Variants in CLVS2 observed in about 807,000 individuals in gnomAD.
The protein encoded by CLVS2 is clavesin-2.
CLVS2 carries 19 observed loss-of-function variants against 29.0 expected under a neutral mutation model. The ratio of observed to expected loss-of-function variants is 0.66; its 90% CI spans 0.46 to 0.96. The LOEUF (loss-of-function observed/expected upper bound fraction) is 0.96. Among genes scored for constraint, CLVS2 ranks in the 40% least tolerant of loss-of-function variants. The pLI is 0.00. For synonymous variants in CLVS2, 161 were observed against 151.3 expected, an observed-to-expected ratio of 1.06 and a Z score of -0.47; for missense variants, 294 against 404.1, an observed-to-expected ratio of 0.73 and a Z score of 2.34.
intron 3 of CLVS2, among the ~76,000 whole-genome samples, chr6:123,028,764 C>G (rs1331036134): frequency 6.6e-6 from 1 of 152,062 alleles, no homozygotes; most frequent in East Asian, 1.9e-4. Flanking sequence ...ATTTTTTTCT[C>G]CAAATGTTTG....
At chr6:123,031,020 C>A (rs1433525233) in intron 3 of CLVS2, among the ~76,000 whole-genome samples, 6 of 151,904 alleles carry the variant, frequency 3.9e-5, no homozygotes, top group Non-Finnish European at 8.8e-5. Flanking sequence ...GCCGCCTCAA[C>A]CTCCTGGGCT....
intron 3 of CLVS2, among the ~76,000 whole-genome samples, chr6:123,032,131 C>G (rs190703737): frequency 2.0e-5 from 3 of 151,942 alleles, no homozygotes; most frequent in African/African-American, 7.3e-5. Context: ...TAACTTAAAC[C>G]TACAGTTTCT....
intron 3 of CLVS2, among the ~76,000 whole-genome samples, chr6:123,040,019 A>G (rs1402365877): frequency 1.3e-5 from 2 of 152,202 alleles, no homozygotes; most frequent in Admixed American, 1.3e-4. Flanking sequence ...TTATCCTGGT[A>G]TAGAGATCTA....
chr6:123,043,699 C>A (rs771006259), intron 3 of CLVS2, among the ~76,000 whole-genome samples: 2 of 152,060 alleles, frequency 1.3e-5, no homozygotes, highest in Non-Finnish European at 2.9e-5. Context: ...TAGAAAAGTT[C>A]ATTTTGCTCT....
chr6:123,038,200 G>A (rs140760217), intron 3 of CLVS2, among the ~76,000 whole-genome samples: 101 of 152,182 alleles, frequency 6.6e-4, no homozygotes, highest in African/African-American at 2.3e-3. Context: ...TTTCTTTTGT[G>A]AGTTCTTCCC....
intron 3 of CLVS2, among the ~76,000 whole-genome samples, chr6:123,028,565 A>G (rs75967953): frequency 1.3e-5 from 2 of 152,196 alleles, no homozygotes; most frequent in East Asian, 3.9e-4. Flanking sequence ...ATGCTAGTGT[A>G]CTACTTCACA....
At chr6:123,026,325 C>T (rs1403306165) in intron 3 of CLVS2, among the ~76,000 whole-genome samples, 3 of 152,032 alleles carry the variant, frequency 2.0e-5, no homozygotes, top group Non-Finnish European at 2.9e-5. Flanking sequence ...CTATTTGGAA[C>T]ATAATATTTT....
chr6:123,030,883 A>AAT (rs908649965), intron 3 of CLVS2, among the ~76,000 whole-genome samples: 55 of 147,972 alleles, frequency 3.7e-4, no homozygotes, highest in African/African-American at 9.1e-4. Flanking sequence ...TATATTTTCA[A>AAT]ATATATATAT....
intron 2 of CLVS2, among the ~76,000 whole-genome samples, chr6:123,009,733 T>C (rs536858327): frequency 4.6e-5 from 7 of 152,204 alleles, no homozygotes; most frequent in Admixed American, 3.9e-4. Flanking sequence ...TGTACAAAAA[T>C]TGAAATTGTT....
intron 4 of CLVS2, among the ~76,000 whole-genome samples, chr6:123,053,234 C>A (rs531532525): frequency 2.0e-5 from 3 of 152,232 alleles, no homozygotes. Context: ...GTCCCAGCTA[C>A]TCGAGAGGCT....
chr6:123,009,964 TC>T (rs1774725296), intron 2 of CLVS2, among the ~76,000 whole-genome samples: 1 of 152,064 alleles, frequency 6.6e-6, no homozygotes, highest in Non-Finnish European at 1.5e-5. Context: ...GATATACCTC[TC>T]TGGGTATACT....
intron 3 of CLVS2, among the ~76,000 whole-genome samples, chr6:123,018,600 C>T (rs1774875050): frequency 6.6e-6 from 1 of 151,134 alleles, no homozygotes; most frequent in Non-Finnish European, 1.5e-5. Flanking sequence ...ATGAATAATA[C>T]TCTTGTTCTA....
chr6:123,035,186 A>C (rs1775134864), intron 3 of CLVS2, among the ~76,000 whole-genome samples: 1 of 152,134 alleles, frequency 6.6e-6, no homozygotes, highest in South Asian at 2.1e-4. Flanking sequence ...GGATAAAAGC[A>C]GAATTCTTCA....
chr6:123,030,678 A>G (rs533482093), intron 3 of CLVS2, among the ~76,000 whole-genome samples: 1 of 152,094 alleles, frequency 6.6e-6, no homozygotes, highest in East Asian at 1.9e-4. Flanking sequence ...CTTCATGTTA[A>G]TATCTGAGAC....
At position 123,010,988 on chromosome 6, in the gene CLVS2, C is replaced by A; in HGVS notation, c.393C>A (p.Tyr131Ter). Residue 131 changes from tyrosine (Y) to a stop codon, truncating the protein, a stop_gained, in exon 3 of 6, where the codon TAC (tyrosine) becomes TAA (stop). Coordinates refer to ENST00000275162, the MANE Select transcript of CLVS2 (RefSeq NM_001010852.4). LOFTEE classifies it high-confidence loss of function. ...AGTACTTTTCTGTCGCCGATAGGTA[C>A]ACACTGGTGGATATTTTGCGTGCCA... ...LFAANWDQSR[Y>*]TLVDILRAIL... The A allele has an allele frequency of 6.3e-7, 1 of 1,589,020 alleles. No homozygotes were observed.
intron 5 of CLVS2, among the ~76,000 whole-genome samples, chr6:123,058,210 G>A (rs141268303): frequency 4.5e-4 from 68 of 152,018 alleles, no homozygotes; most frequent in African/African-American, 1.6e-3. Context: ...CATCCTCAAC[G>A]TTAGGTAGTC....
chr6:122,996,794 A>T (rs991749691), intron 1 of CLVS2, 48 bp downstream of exon 1: 1 of 164,896 alleles, frequency 6.1e-6, no homozygotes, highest in Middle Eastern at 3.1e-3. Context: ...GTTTTATAGA[A>T]AAGATAAGGA....
Position 123,039,448 on chromosome 6 carries a change from T to G in CLVS2, c.565-9174T>G, listed in dbSNP as rs556795829. ...TTAGTTTTAATAAAGGAGCCTGACT[T>G]AGGAACACATTTTTATAAGGCGGTA... On this transcript the variant is annotated intron_variant, in intron 3 of 5. Coordinates refer to ENST00000275162, the MANE Select transcript of CLVS2 (RefSeq NM_001010852.4). 2.0e-5 allele frequency among the ~76,000 whole-genome samples: 3 copies of G among 152,316 alleles called. No homozygotes were observed. The East Asian group carries it at 5.8e-4, about 29-fold the overall frequency.
At position 123,069,575 on chromosome 6, in the gene CLVS2, GT is replaced by G. The variant is rs1192521727; in HGVS notation, c.*5816del. The stretch of plus-strand genomic sequence containing the variant: ...ATTTTCTTTACACAGGATTCTTGAG[GT>G]TATCAAGAATCGTTATTGCTGCTCC... On this transcript the variant is annotated 3_prime_UTR_variant, in exon 6 of 6. Coordinates refer to ENST00000275162, the MANE Select transcript of CLVS2 (RefSeq NM_001010852.4). 6.6e-6 allele frequency: 1 copy of G among 151,732 alleles called. No homozygotes were observed. Among genetic ancestry groups the G allele is most frequent in the Non-Finnish European group, 1.5e-5 (1 of 67,830 alleles). The allele number at this position is 151,732 out of a possible 1,614,324, so 9.4% of individuals were successfully genotyped here.
Sources: gnomAD v4.1 joint callset for allele counts (sites outside exome capture counted in the v4.1 genomes callset) on GRCh38, gnomAD v4.1.1 for gene constraint, MANE v1.5 for transcripts, NCBI Gene and HGNC (gene_info 2026-07-23, HGNC 2026-07-21) for gene names.